The following YARS1 variants were observed in gnomAD, a reference collection of about 807,000 sequenced individuals.
YARS1 encodes the protein tyrosyl-tRNA synthetase 1, also known as tyrosine--tRNA ligase, cytoplasmic.
A neutral mutation model predicts 62.2 loss-of-function variants in YARS1; 36 were observed. That is an observed-to-expected ratio of 0.58 (90% confidence interval 0.44 to 0.76). YARS1 has a LOEUF of 0.76. Ranked by LOEUF, YARS1 falls within the 30% of genes least tolerant of loss-of-function variation. YARS1 has a pLI of 0.00. For missense variants in YARS1, 524 were observed against 639.8 expected (o/e 0.82, Z 1.95); for synonymous variants, 234 against 244.9 (o/e 0.96, Z 0.42).
intron 6 of YARS1, among the ~76,000 whole-genome samples, chr1:32,789,907 G>A (rs367678871): frequency 2.8e-5 from 4 of 142,620 alleles, no homozygotes; most frequent in Non-Finnish European, 4.5e-5. Context: ...TTTTGAGAGG[G>A]AGTCTCGCTC....
Position 32,782,724 on chromosome 1 carries a change from C to T in YARS1, c.907-185G>A, listed in dbSNP as rs1269803479. 2.2e-5 allele frequency: 16 copies of T among 722,760 alleles called. No homozygotes were observed. The Admixed American group carries it at 3.7e-4, about 17-fold the overall frequency. The allele number at this position is 722,760 out of a possible 1,614,324, so 44.8% of individuals were successfully genotyped here. Reference sequence around the variant, plus strand: ...AGACTAACGTGTCCAAAATCCAAGTCTTTTGATTCTGAAATCTATACTAAC... The same window carrying T: ...AGACTAACGTGTCCAAAATCCAAGTTTTTTGATTCTGAAATCTATACTAAC... On this transcript the variant is annotated intron_variant, in intron 8 of 12. Transcript: ENST00000373477.
chr1:32,780,933 C>A, intron 10 of YARS1, 115 bp downstream of exon 10: 1 of 937,038 alleles, frequency 1.1e-6, no homozygotes, highest in Non-Finnish European at 1.7e-6. Flanking sequence ...TGCACTCTGA[C>A]TTGCAATATG....
At chr1:32,795,332 C>T (rs1653547499) in intron 5 of YARS1, among the ~76,000 whole-genome samples, 2 of 151,814 alleles carry the variant, frequency 1.3e-5, no homozygotes, top group Non-Finnish European at 2.9e-5. Flanking sequence ...AAACAAAAAA[C>T]AAACAAACAA....
intron 10 of YARS1, 85 bp from the exon 11 acceptor site, chr1:32,780,363 A>G: frequency 2.0e-6 from 3 of 1,515,804 alleles, no homozygotes; most frequent in South Asian, 1.1e-5. Context: ...GGAAAGGAGC[A>G]TCCACTCCTT....
chr1:32,799,767 G>C (rs772837433), intron 4 of YARS1, among the ~76,000 whole-genome samples: 31 of 152,112 alleles, frequency 2.0e-4, no homozygotes, highest in Admixed American at 2.0e-3. Flanking sequence ...TAGGACTAGA[G>C]GCTACCACAT....
In YARS1 at chr1:32,797,402, T is replaced by C. The variant is rs143745418; in HGVS notation, c.591+361A>G. 1.3e-3 allele frequency among the ~76,000 whole-genome samples: 205 copies of C among 152,108 alleles called. 1 individual carries two copies. The highest frequency in any genetic ancestry group is 2.2e-3 in the Non-Finnish European group (149 of 67,966). On this transcript the variant is annotated intron_variant, in intron 5 of 12. Coordinates refer to ENST00000373477, the MANE Select transcript of YARS1 (RefSeq NM_003680.4). ...AAAGACAAGAAAAAGAAAAAGATGC[T>C]GGGAAATGCGAACCAAATGCTCTGT...
At chr1:32,811,332 A>G (rs1024537612) in intron 1 of YARS1, 6 of 489,276 alleles carry the variant, frequency 1.2e-5, no homozygotes, top group African/African-American at 5.9e-5. Flanking sequence ...TCAAGGACTT[A>G]ACTTGTGCAA....
chr1:32,787,473 A>T (rs938175893), intron 6 of YARS1, among the ~76,000 whole-genome samples: 1 of 150,622 alleles, frequency 6.6e-6, no homozygotes, highest in East Asian at 2.0e-4. Flanking sequence ...GTACTTGCAG[A>T]TATTTTCCTG....
intron 4 of YARS1, among the ~76,000 whole-genome samples, chr1:32,804,001 T>A (rs957502913): frequency 8.6e-5 from 13 of 151,198 alleles, no homozygotes; most frequent in South Asian, 2.1e-4. Context: ...CACCGCCCTT[T>A]ATCCATTTAA....
intron 4 of YARS1, among the ~76,000 whole-genome samples, chr1:32,799,327 C>T (rs777433412): frequency 4.3e-4 from 65 of 151,944 alleles, no homozygotes; most frequent in Non-Finnish European, 8.4e-4. Context: ...TTATCTTGGC[C>T]AATGAAAGGT....
At chr1:32,787,869 C>G (rs966848383) in intron 6 of YARS1, among the ~76,000 whole-genome samples, 2 of 152,140 alleles carry the variant, frequency 1.3e-5, no homozygotes, top group African/African-American at 4.8e-5. Context: ...GTAGTCTTAT[C>G]ACTTTGGGAG....
chr1:32,782,272 A>G (rs142208560), intron 9 of YARS1, 132 bp downstream of exon 9: 35 of 1,466,048 alleles, frequency 2.4e-5, no homozygotes, highest in Non-Finnish European at 3.3e-5. Context: ...TCTAGGAGCC[A>G]GTAGGACATG....
chr1:32,812,214 T>C (rs897684103), intron 1 of YARS1, among the ~76,000 whole-genome samples: 2 of 152,170 alleles, frequency 1.3e-5, no homozygotes, highest in African/African-American at 4.8e-5. Context: ...AGTCTCACTA[T>C]GTTGCCCAGG....
intron 10 of YARS1, 91 bp from the exon 11 acceptor site, chr1:32,780,369 T>C: frequency 6.7e-7 from 1 of 1,490,528 alleles, no homozygotes; most frequent in Non-Finnish European, 9.3e-7. Flanking sequence ...GAGCATCCAC[T>C]CCTTACAGAG....
At chr1:32,795,641 A>T (rs1007614802) in intron 5 of YARS1, among the ~76,000 whole-genome samples, 1 of 151,404 alleles carries the variant, frequency 6.6e-6, no homozygotes, top group African/African-American at 2.4e-5. Flanking sequence ...CCCTGTCTCT[A>T]CTAAAAATAC....
At chr1:32,797,563 G>A (rs1569746986) in intron 5 of YARS1, 200 bp downstream of exon 5, 7 of 604,268 alleles carry the variant, frequency 1.2e-5, no homozygotes, top group Middle Eastern at 4.3e-4. Flanking sequence ...AAAGATCTGG[G>A]TACTAATAAT....
At chr1:32,796,906 A>C (rs1372053881) in intron 5 of YARS1, among the ~76,000 whole-genome samples, 5 of 133,016 alleles carry the variant, frequency 3.8e-5, no homozygotes, top group African/African-American at 1.4e-4. Flanking sequence ...TGGAGGTTGC[A>C]GTGAGCCGAG....
chr1:32,808,206 C>A (rs1358937024), intron 3 of YARS1, among the ~76,000 whole-genome samples: 1 of 150,948 alleles, frequency 6.6e-6, no homozygotes, highest in Non-Finnish European at 1.5e-5. Flanking sequence ...ATCCAGCAAC[C>A]CCCACTCCCC....
intron 9 of YARS1, chr1:32,781,751 G>T (rs1310613591): frequency 6.1e-6 from 1 of 164,690 alleles, no homozygotes; most frequent in Non-Finnish European, 1.3e-5. Context: ...CCCAACAGCT[G>T]TGTAAGAAAC....
Sources: gnomAD v4.1 joint callset for allele counts (sites outside exome capture counted in the v4.1 genomes callset) on GRCh38, gnomAD v4.1.1 for gene constraint, MANE v1.5 for transcripts, NCBI Gene and HGNC (gene_info 2026-07-23, HGNC 2026-07-21) for gene names.